The following RPH3A variants were observed in gnomAD, a reference collection of about 807,000 sequenced individuals.
RPH3A encodes the protein rabphilin-3A.
Under a neutral mutation model 102.2 loss-of-function variants are expected in RPH3A, and 48 were observed. The ratio of observed to expected loss-of-function variants is 0.47; its 90% CI spans 0.37 to 0.60. The LOEUF (loss-of-function observed/expected upper bound fraction) is 0.60, where lower values mean the gene tolerates loss of function less well. RPH3A is among the 20% of genes least tolerant of loss of function. The pLI is 0.00. For missense variants in RPH3A, 781 were observed against 910.1 expected (o/e 0.86, Z 1.83); for synonymous variants, 310 against 324.3 (o/e 0.96, Z 0.47).
intron 1 of RPH3A, among the ~76,000 whole-genome samples, chr12:112,651,260 G>A (rs1481202102): frequency 1.3e-5 from 2 of 151,984 alleles, no homozygotes; most frequent in Non-Finnish European, 2.9e-5. Context: ...CTACTTGGGA[G>A]GCTGATGCAG....
intron 1 of RPH3A, among the ~76,000 whole-genome samples, chr12:112,696,857 G>T (rs1459302459): frequency 6.6e-6 from 1 of 151,906 alleles, no homozygotes; most frequent in Non-Finnish European, 1.5e-5. Flanking sequence ...GGTAGGACTG[G>T]ATCAGAAGGC....
In RPH3A at chr12:112,671,702, G is replaced by A. The variant is rs528641932; in HGVS notation, c.-140+96383G>A. 3.9e-5 allele frequency among the ~76,000 whole-genome samples: 6 copies of A among 152,236 alleles called. No individual in the cohort carries two copies. The South Asian group carries it at 1.0e-3, about 26-fold the overall frequency. On this transcript the variant is annotated intron_variant, in intron 1 of 21. Transcript: ENST00000543106. ...TTTATGAATAATTGCCAGTCAATGAGCTAAAGACCAGACCTGCAGCATGGG... is the reference window on the plus strand; with the variant it reads ...TTTATGAATAATTGCCAGTCAATGAACTAAAGACCAGACCTGCAGCATGGG...
intron 1 of RPH3A, among the ~76,000 whole-genome samples, chr12:112,597,522 G>A (rs2039526319): frequency 3.3e-5 from 5 of 152,150 alleles, no homozygotes; most frequent in Admixed American, 3.3e-4. Context: ...ACCTGCGTCT[G>A]GGAGGTTGTG....
chr12:112,640,892 A>G (rs866193394), intron 1 of RPH3A, among the ~76,000 whole-genome samples: 4 of 151,700 alleles, frequency 2.6e-5, no homozygotes, highest in South Asian at 2.1e-4. Context: ...CCTCCTCCCC[A>G]CTCCGCAGCA....
chr12:112,813,831 T>G (rs1258878538), intron 2 of RPH3A, among the ~76,000 whole-genome samples: 1 of 152,116 alleles, frequency 6.6e-6, no homozygotes, highest in African/African-American at 2.4e-5. Flanking sequence ...TAGCTGGGGG[T>G]TGAACACAGG....
At chr12:112,591,357 A>G (rs1327826731) in intron 1 of RPH3A, among the ~76,000 whole-genome samples, 1 of 152,200 alleles carries the variant, frequency 6.6e-6, no homozygotes, top group Non-Finnish European at 1.5e-5. Flanking sequence ...AAGTGCTGGG[A>G]TTGCAAGTGT....
intron 16 of RPH3A, among the ~76,000 whole-genome samples, chr12:112,885,016 T>A (rs922281910): frequency 3.3e-5 from 5 of 152,268 alleles, no homozygotes; most frequent in Non-Finnish European, 7.3e-5. Context: ...ATTTTACATG[T>A]GTATTCATCT....
At chr12:112,860,925 T>G (rs1314482599) in intron 5 of RPH3A, among the ~76,000 whole-genome samples, 1 of 152,238 alleles carries the variant, frequency 6.6e-6, no homozygotes, top group East Asian at 1.9e-4. Flanking sequence ...CGTTGTCTCA[T>G]AAAATTTTAT....
chr12:112,745,732 C>G (rs2040740913), intron 1 of RPH3A, among the ~76,000 whole-genome samples: 1 of 152,168 alleles, frequency 6.6e-6, no homozygotes, highest in African/African-American at 2.4e-5. Flanking sequence ...GACTTCTGCC[C>G]TAAGGAGGAG....
At chr12:112,745,507 T>C (rs1234725117) in intron 1 of RPH3A, among the ~76,000 whole-genome samples, 1 of 152,174 alleles carries the variant, frequency 6.6e-6, no homozygotes, top group Non-Finnish European at 1.5e-5. Flanking sequence ...CCACCCTCCA[T>C]TTATTCATTT....
chr12:112,721,837 G>A (rs1052776656), intron 1 of RPH3A, among the ~76,000 whole-genome samples: 1 of 152,156 alleles, frequency 6.6e-6, no homozygotes, highest in Non-Finnish European at 1.5e-5. Context: ...CAGCTGGCAA[G>A]TGGAGCTTTT....
At chr12:112,752,457 C>T (rs1164236466) in intron 1 of RPH3A, among the ~76,000 whole-genome samples, 1 of 152,138 alleles carries the variant, frequency 6.6e-6, no homozygotes, top group Non-Finnish European at 1.5e-5. Flanking sequence ...AACTTATCTC[C>T]TGTGTTTATT....
In RPH3A at chr12:112,666,239, T is replaced by A. The variant is rs562788429; in HGVS notation, c.-140+90920T>A. On this transcript the variant is annotated intron_variant, in intron 1 of 21. Transcript: ENST00000543106. ...AAATGGAACTTAATAGCTTATGTCT[T>A]TTTTCCTCTGCTGTGTGGTGCCAGG... 5.9e-5 allele frequency among the ~76,000 whole-genome samples: 9 copies of A among 152,296 alleles called. No individual in the cohort carries two copies. In the South Asian group the frequency reaches 1.9e-3, roughly 32 times the overall value.
chr12:112,677,328 A>G (rs936893634), intron 1 of RPH3A, among the ~76,000 whole-genome samples: 7 of 135,660 alleles, frequency 5.2e-5, no homozygotes, highest in African/African-American at 2.0e-4. Context: ...GGAGCCTGTC[A>G]TTTTCCCTCC....
intron 1 of RPH3A, among the ~76,000 whole-genome samples, chr12:112,727,420 T>C (rs1450281937): frequency 7.7e-5 from 10 of 130,532 alleles, no homozygotes; most frequent in African/African-American, 2.6e-4. Flanking sequence ...TATATATATA[T>C]ACATACACAC....
intron 20 of RPH3A, 56 bp from the exon 21 acceptor site, chr12:112,895,721 C>A: frequency 7.8e-7 from 1 of 1,286,300 alleles, no homozygotes; most frequent in Non-Finnish European, 1.1e-6. Flanking sequence ...CTCTTACCTC[C>A]CAATGCTGTG....
chr12:112,894,311 G>C, intron 19 of RPH3A: 1 of 495,860 alleles, frequency 2.0e-6, no homozygotes. Context: ...GCACACTTCT[G>C]CCTCTCTGGA....
intron 2 of RPH3A, among the ~76,000 whole-genome samples, chr12:112,812,276 T>G (rs1161738621): frequency 1.3e-5 from 2 of 152,112 alleles, no homozygotes; most frequent in Non-Finnish European, 2.9e-5. Flanking sequence ...GATGGCTCCT[T>G]TAAAAACAAA....
intron 1 of RPH3A, among the ~76,000 whole-genome samples, chr12:112,657,921 A>G (rs2040024040): frequency 2.6e-5 from 4 of 152,196 alleles, no homozygotes; most frequent in Admixed American, 2.0e-4. Flanking sequence ...GATAAGGGGA[A>G]GAGCATTCCA....
Sources: allele counts gnomAD v4.1 joint callset (sites outside exome capture counted in the v4.1 genomes callset), GRCh38; gene constraint gnomAD v4.1.1; transcripts MANE v1.5; gene names NCBI Gene and HGNC (gene_info 2026-07-23, HGNC 2026-07-21).